The following PLCB1 variants were observed in gnomAD, a reference collection of about 807,000 sequenced individuals.
PLCB1 encodes 1-phosphatidylinositol 4,5-bisphosphate phosphodiesterase beta-1.
Under a neutral mutation model 161.8 loss-of-function variants are expected in PLCB1, and 46 were observed. The ratio of observed to expected loss-of-function variants is 0.28; its 90% CI spans 0.22 to 0.36. PLCB1 has a LOEUF of 0.36. Ranked by LOEUF, PLCB1 falls within the 10% of genes least tolerant of loss-of-function variation. The probability of loss-of-function intolerance (pLI) is 1.00; values close to 1 mark genes in which losing one functional copy is unlikely to be tolerated. For synonymous variants in PLCB1, 517 were observed against 503.7 expected (o/e 1.03, Z -0.35); for missense variants, 1,016 against 1,472.5 (o/e 0.69, Z 5.07).
Position 8,550,594 on chromosome 20 carries a change from C to T in PLCB1, c.247-77700C>T, listed in dbSNP as rs80187231. Among the ~76,000 whole-genome samples the T allele has an allele frequency of 3.8e-3, 573 of 152,172 alleles. 4 individuals are homozygous for T. The highest frequency in any genetic ancestry group is 6.4e-3 in the Non-Finnish European group (432 of 68,006). On this transcript the variant is annotated intron_variant, in intron 3 of 31. Transcript: ENST00000338037. ...AAGCCTCTTTTCTTTATAAATTGCC[C>T]GATCTCAGGTATTTCTTCATAGCAG... is the stretch of plus-strand genomic sequence containing the variant.
rs1220976371 is a variant in PLCB1 at position 8,883,024 on chromosome 20, A to G, written c.*1175A>G. ...AGGGTCAAACATCGAGATTACATGG[A>G]TGTTAAATTATATGGAGACGCTAAG... On this transcript the variant is annotated 3_prime_UTR_variant, in exon 32 of 32. Coordinates refer to ENST00000338037, the MANE Select transcript of PLCB1 (RefSeq NM_015192.4). 6.6e-6 allele frequency: 1 copy of G among 152,658 alleles called. No homozygotes were observed. The highest frequency in any genetic ancestry group is 1.5e-5 in the Non-Finnish European group (1 of 68,040). 9.5% of individuals were successfully genotyped at this position (152,658 alleles called of 1,614,324 possible). A position where few individuals can be genotyped will look rare whatever the true frequency, so the allele number is the denominator to read the frequency against.
At chr20:8,456,218 T>C (rs995584090) in intron 3 of PLCB1, among the ~76,000 whole-genome samples, 3 of 152,242 alleles carry the variant, frequency 2.0e-5, no homozygotes, top group Non-Finnish European at 4.4e-5. Context: ...AAAAATTCTT[T>C]AGTATTTGTC....
rs1238823063 is a variant in PLCB1, at chr20:8,649,399, C to T, written c.544C>T (p.Arg182Trp). The T allele has an allele frequency of 1.2e-6, 2 of 1,613,490 alleles. No homozygotes were observed. The highest frequency in any genetic ancestry group is 1.7e-6 in the Non-Finnish European group (2 of 1,179,462). ...CATATATCGCTTGTTTTCAGCAGAT[C>T]GGAAGCGAGTTGAAACTGCTTTAGA... is the stretch of plus-strand genomic sequence containing the variant. ...KNIYRLFSAD[R>W]KRVETALEAC... The change falls in exon 7 of 32, where the codon CGG (arginine) becomes TGG (tryptophan). Residue 182 changes from arginine (R) to tryptophan (W), a missense_variant. Arg to Trp is a moderately radical substitution (Grantham distance 101). Transcript: ENST00000338037.
chr20:8,765,915 G>A (rs1982292085), intron 26 of PLCB1, among the ~76,000 whole-genome samples: 1 of 152,160 alleles, frequency 6.6e-6, no homozygotes, highest in Non-Finnish European at 1.5e-5. Context: ...CTGGCCTCAA[G>A]CGATCTGCCT....
intron 26 of PLCB1, among the ~76,000 whole-genome samples, chr20:8,773,540 C>T (rs6056094): frequency 0.22 from 34,128 of 152,096 alleles, 3,842 homozygotes; most frequent in Middle Eastern, 0.36. Flanking sequence ...AGGAAGCATT[C>T]GAAATATTTT....
intron 31 of PLCB1, among the ~76,000 whole-genome samples, chr20:8,839,383 C>G (rs2146287948): frequency 6.6e-6 from 1 of 152,182 alleles, no homozygotes; most frequent in East Asian, 1.9e-4. Flanking sequence ...ATTTAGTGAC[C>G]CAAGAAGCTG....
intron 2 of PLCB1, among the ~76,000 whole-genome samples, chr20:8,239,717 T>A (rs1324243830): frequency 6.6e-6 from 1 of 151,912 alleles, no homozygotes; most frequent in Non-Finnish European, 1.5e-5. Context: ...TGATAGGAGA[T>A]CCTTTTTATT....
chr20:8,742,245 C>T (rs1980916909), intron 23 of PLCB1, among the ~76,000 whole-genome samples: 1 of 151,792 alleles, frequency 6.6e-6, no homozygotes, highest in African/African-American at 2.4e-5. Context: ...TTAAGGGTGA[C>T]ACTAATATTA....
intron 3 of PLCB1, among the ~76,000 whole-genome samples, chr20:8,564,496 A>G (rs1432146111): frequency 6.6e-6 from 1 of 152,224 alleles, no homozygotes; most frequent in East Asian, 1.9e-4. Context: ...GGACCTAATT[A>G]AACTAAAGAC....
At position 8,273,168 on chromosome 20, in the gene PLCB1, A is replaced by G. The variant is rs549178325; in HGVS notation, c.178-98214A>G. ...ATTCTACCCTTTGGAGATAATCATC[A>G]TTAAAGCTGGATGAACTAAATTTTA... On this transcript the variant is annotated intron_variant, in intron 2 of 31. Coordinates refer to ENST00000338037, the MANE Select transcript of PLCB1 (RefSeq NM_015192.4). 1.1e-4 allele frequency among the ~76,000 whole-genome samples: 17 copies of G among 152,330 alleles called. No individual in the cohort carries two copies. In the South Asian group the frequency reaches 3.3e-3, roughly 30 times the overall value.
intron 9 of PLCB1, among the ~76,000 whole-genome samples, chr20:8,681,139 T>C (rs1343775497): frequency 7.2e-6 from 1 of 139,826 alleles, no homozygotes; most frequent in African/African-American, 2.6e-5. Context: ...AAAATCAGTG[T>C]CTCATAGCCT....
chr20:8,411,207 A>C (rs575627798), intron 3 of PLCB1, among the ~76,000 whole-genome samples: 2 of 152,344 alleles, frequency 1.3e-5, no homozygotes, highest in African/African-American at 4.8e-5. Context: ...TAAGTGCAAA[A>C]TACACAGTGA....
intron 3 of PLCB1, among the ~76,000 whole-genome samples, chr20:8,577,098 A>G (rs958245993): frequency 6.6e-6 from 1 of 152,160 alleles, no homozygotes; most frequent in African/African-American, 2.4e-5. Context: ...CAATCAAGTC[A>G]TGTATTATTT....
chr20:8,745,166 A>T (rs1247757446), intron 23 of PLCB1, among the ~76,000 whole-genome samples: 3 of 152,168 alleles, frequency 2.0e-5, no homozygotes, highest in Admixed American at 6.5e-5. Context: ...TTTACAACTC[A>T]AGGAAAAAAA....
intron 2 of PLCB1, among the ~76,000 whole-genome samples, chr20:8,191,037 C>T (rs1416341199): frequency 1.3e-5 from 2 of 151,972 alleles, no homozygotes; most frequent in Non-Finnish European, 2.9e-5. Flanking sequence ...ATAAAACAAC[C>T]TCATTAGAGA....
chr20:8,812,434 TGAGCGGGGGCTGGTGA>T (rs1600348022), intron 31 of PLCB1, among the ~76,000 whole-genome samples: 2 of 150,504 alleles, frequency 1.3e-5, no homozygotes, highest in East Asian at 3.9e-4. Flanking sequence ...GGGGCTGGTG[TGAGCGGGGGCTGGTGA>T]AAGCTGGGAC....
intron 3 of PLCB1, among the ~76,000 whole-genome samples, chr20:8,512,799 G>A (rs1461792134): frequency 6.6e-6 from 1 of 152,132 alleles, no homozygotes; most frequent in South Asian, 2.1e-4. Context: ...TTTCTTTGTG[G>A]TACAAACATT....
intron 3 of PLCB1, among the ~76,000 whole-genome samples, chr20:8,594,686 C>A (rs6118262): frequency 0.092 from 12,452 of 135,670 alleles, 582 homozygotes; most frequent in South Asian, 0.16. Context: ...TTGAGGAAAC[C>A]AAAAAAAAAA....
intron 4 of PLCB1, among the ~76,000 whole-genome samples, chr20:8,631,894 T>A (rs1988599672): frequency 6.6e-6 from 1 of 152,180 alleles, no homozygotes; most frequent in Non-Finnish European, 1.5e-5. Context: ...AGACAAATCA[T>A]GCCTTTGGGC....
Sources: allele counts gnomAD v4.1 joint callset (sites outside exome capture counted in the v4.1 genomes callset), GRCh38; gene constraint gnomAD v4.1.1; transcripts MANE v1.5; gene names NCBI Gene and HGNC (gene_info 2026-07-23, HGNC 2026-07-21).